Variants in ILRUN observed in about 807,000 individuals in gnomAD.
ILRUN encodes inflammation and lipid regulator with UBA-like and NBR1-like domains, also known as protein ILRUN.
In ILRUN, 3 loss-of-function variants were observed where a neutral mutation model predicts 33.8. That is an observed-to-expected ratio of 0.09 (90% CI 0.04 to 0.23). ILRUN has a LOEUF of 0.23. Ranked by LOEUF, ILRUN falls within the 10% of genes least tolerant of loss-of-function variation. The pLI is 1.00. For synonymous variants in ILRUN, 124 were observed against 138.9 expected (o/e 0.89, Z 0.75); for missense variants, 210 against 375.1 (o/e 0.56, Z 3.64).
In ILRUN at chr6:34,682,021, C is replaced by CTTTTTTTTTT. The variant is rs1377020252; in HGVS notation, c.158+14424_158+14425insAAAAAAAAAA. On this transcript the variant is annotated intron_variant, in intron 1 of 4. Coordinates refer to ENST00000374023, the MANE Select transcript of ILRUN (RefSeq NM_024294.4). ...TGCATGCCACCACACCCCACTAATT[C>CTTTTTTTTTT]TTATATTTTTATTTTTTTACTTTTT... Among the ~76,000 whole-genome samples the CTTTTTTTTTT allele has an allele frequency of 3.4e-3, 443 of 129,940 alleles. 17 individuals are homozygous for CTTTTTTTTTT. Among genetic ancestry groups the CTTTTTTTTTT allele is most frequent in the African/African-American group, 9.6e-3 (322 of 33,636 alleles). The allele number at this position is 129,940 out of a possible 152,430, so 85.2% of individuals were successfully genotyped here.
chr6:34,607,029 A>G, intron 3 of ILRUN, 125 bp from the exon 4 acceptor site: 1 of 735,750 alleles, frequency 1.4e-6, no homozygotes, highest in Non-Finnish European at 2.2e-6. Context: ...TGCTAGTTTT[A>G]AAAGCTTGCT....
chr6:34,646,656 T>C lies in ILRUN; in HGVS notation c.456A>G (p.Ala152=). The change falls in exon 3 of 5, where the codon GCA becomes GCG. Residue 152 remains alanine, a synonymous_variant. Coordinates refer to ENST00000374023, the MANE Select transcript of ILRUN (RefSeq NM_024294.4). The surrounding 1 kb of genome is among the most constrained non-coding windows in gnomAD (Gnocchi z 4.9). ...TCCGCCACTGTCCCTGATACATTCCTGCTCTGCTGGGGCTGCACATCTGGA... is the reference window on the plus strand; with the variant it reads ...TCCGCCACTGTCCCTGATACATTCCCGCTCTGCTGGGGCTGCACATCTGGA... ...VSVQMCSPSR[A]GMYQGQWRMC... The C allele has an allele frequency of 6.2e-7, 1 of 1,614,192 alleles. No homozygotes were observed. The highest frequency in any genetic ancestry group is 8.5e-7 in the Non-Finnish European group (1 of 1,180,028).
chr6:34,628,329 CT>C (rs1267121949), intron 3 of ILRUN, among the ~76,000 whole-genome samples: 137 of 145,428 alleles, frequency 9.4e-4, no homozygotes, highest in Middle Eastern at 3.5e-3. Flanking sequence ...CCTTTTTACA[CT>C]TTTTTTTTTT....
chr6:34,646,473 C>A lies in ILRUN; in HGVS notation c.511+128G>T. On this transcript the variant is annotated intron_variant, in intron 3 of 4. Transcript: ENST00000374023. The surrounding 1 kb of genome is among the most constrained non-coding windows in gnomAD (Gnocchi z 4.9). ...TCATAAAATGCAAATCATTTACCTGCATGAGGTGACTGTTAAAAAGAGGCC... is the reference window on the plus strand; with the variant it reads ...TCATAAAATGCAAATCATTTACCTGAATGAGGTGACTGTTAAAAAGAGGCC... 5 of 755,512 alleles carry A rather than the reference C, an allele frequency of 6.6e-6. No individual in the cohort carries two copies. Among genetic ancestry groups the A allele is most frequent in the Non-Finnish European group, 1.1e-5 (5 of 465,090 alleles). The allele number at this position is 755,512 out of a possible 1,614,324, so 46.8% of individuals were successfully genotyped here.
At chr6:34,626,878 A>G (rs1762145804) in intron 3 of ILRUN, among the ~76,000 whole-genome samples, 1 of 151,930 alleles carries the variant, frequency 6.6e-6, no homozygotes, top group Non-Finnish European at 1.5e-5. Context: ...GGTGGTGCGC[A>G]CTTGTAATCC....
intron 2 of ILRUN, among the ~76,000 whole-genome samples, chr6:34,651,116 G>A (rs2814993): frequency 0.17 from 25,143 of 152,000 alleles, 2,276 homozygotes; most frequent in African/African-American, 0.22. Flanking sequence ...ACTCAGTAAC[G>A]GGTGGCCAGA....
At chr6:34,591,271 A>G (rs575261658) in intron 4 of ILRUN, among the ~76,000 whole-genome samples, 1 of 152,312 alleles carries the variant, frequency 6.6e-6, no homozygotes, top group African/African-American at 2.4e-5. Context: ...AAGGAGGATC[A>G]CTTGACCCCA....
intron 4 of ILRUN, among the ~76,000 whole-genome samples, chr6:34,600,678 G>A (rs1761489820): frequency 6.6e-6 from 1 of 152,178 alleles, no homozygotes; most frequent in African/African-American, 2.4e-5. Context: ...AGGTTTCTAG[G>A]TAATCTTTTC....
intron 1 of ILRUN, among the ~76,000 whole-genome samples, chr6:34,680,161 AC>A (rs1354132221): frequency 6.6e-6 from 1 of 152,232 alleles, no homozygotes; most frequent in Non-Finnish European, 1.5e-5. Flanking sequence ...AGGTTATTTA[AC>A]CTCTCTAAGC....
chr6:34,674,768 C>A (rs1436645349), intron 1 of ILRUN, among the ~76,000 whole-genome samples: 2 of 152,054 alleles, frequency 1.3e-5, no homozygotes, highest in East Asian at 3.9e-4. Flanking sequence ...CACATTAAAA[C>A]TCTGAGTTTC....
At chr6:34,643,050 C>G (rs1299685001) in intron 3 of ILRUN, among the ~76,000 whole-genome samples, 2 of 151,662 alleles carry the variant, frequency 1.3e-5, no homozygotes, top group Non-Finnish European at 2.9e-5. Context: ...AATCCCAGCA[C>G]TTTGGGAGGC....
rs1212095041 is a variant in ILRUN at position 34,592,475 on chromosome 6, C to T, written c.862-1875G>A. On this transcript the variant is annotated intron_variant, in intron 4 of 4. Transcript: ENST00000374023. The surrounding 1 kb of genome is among the most constrained non-coding windows in gnomAD (Gnocchi z 4.0). ...CCACTCAAGCAAGTGTGCACTGGGGCAGCAAAGGGCTCTCAGATTCCATTT... is the reference window on the plus strand; with the variant it reads ...CCACTCAAGCAAGTGTGCACTGGGGTAGCAAAGGGCTCTCAGATTCCATTT... Among the ~76,000 whole-genome samples the T allele has an allele frequency of 6.6e-6, 1 of 152,258 alleles. No individual in the cohort carries two copies. The highest frequency in any genetic ancestry group is 2.4e-5 in the African/African-American group (1 of 41,472).
chr6:34,592,322 T>C lies in ILRUN; in HGVS notation c.862-1722A>G, dbSNP rs1256122925. On this transcript the variant is annotated intron_variant, in intron 4 of 4. Coordinates refer to ENST00000374023, the MANE Select transcript of ILRUN (RefSeq NM_024294.4). This position sits in a 1 kb window ranked among gnomAD's most constrained non-coding sequence, Gnocchi z 4.0. ...CCAAGCTCAGACAGGTGAGGCAACC[T>C]GATTAAGGGAGCAGCACTGGTGAGG... 6.6e-6 allele frequency among the ~76,000 whole-genome samples: 1 copy of C among 152,260 alleles called. No homozygotes were observed. The highest frequency in any genetic ancestry group is 1.5e-5 in the Non-Finnish European group (1 of 68,050).
intron 3 of ILRUN, among the ~76,000 whole-genome samples, chr6:34,645,014 T>A (rs757613797): frequency 4.6e-5 from 7 of 152,178 alleles, no homozygotes; most frequent in Non-Finnish European, 7.4e-5. Flanking sequence ...TTCATTACAG[T>A]AGGTACAAAG....
chr6:34,625,110 T>C (rs373749138), intron 3 of ILRUN, among the ~76,000 whole-genome samples: 20 of 152,232 alleles, frequency 1.3e-4, no homozygotes, highest in African/African-American at 2.2e-4. Context: ...TCAAATTCAC[T>C]GACAGAAGTC....
chr6:34,693,433 C>T (rs1176010055), intron 1 of ILRUN, among the ~76,000 whole-genome samples: 1 of 152,002 alleles, frequency 6.6e-6, no homozygotes, highest in Non-Finnish European at 1.5e-5. Flanking sequence ...CGGCTCACTG[C>T]AGCCTCGACC....
intron 3 of ILRUN, among the ~76,000 whole-genome samples, chr6:34,629,243 T>A (rs1762198865): frequency 6.6e-6 from 1 of 152,246 alleles, no homozygotes; most frequent in Non-Finnish European, 1.5e-5. Context: ...GACAAAAGCC[T>A]ATTCAAGTTG....
rs369750500 is a variant in ILRUN, at chr6:34,612,941, G to A, written c.512-6037C>T. On this transcript the variant is annotated intron_variant, in intron 3 of 4. Transcript: ENST00000374023. ...ACCTGTAGTCCCAGCTACTCAGGAG[G>A]CTGAGGCAGGAGAATGGCGTGAACC... Among the ~76,000 whole-genome samples the A allele has an allele frequency of 2.0e-3, 298 of 152,286 alleles. 2 individuals carry two copies. Among genetic ancestry groups the A allele is most frequent in the African/African-American group, 6.4e-3 (267 of 41,566 alleles).
rs377500642 is a variant in ILRUN at position 34,649,147 on chromosome 6, T to A, written c.314-2349A>T. Among the ~76,000 whole-genome samples, 3 of 152,330 alleles carry A rather than the reference T, an allele frequency of 2.0e-5. No individual in the cohort carries two copies. The South Asian group carries it at 6.2e-4, about 32-fold the overall frequency. ...GCTAGAAGAGTTATCCACCAACAAC[T>A]CTGAAGTGTTCATTGGCTATGAAGT... is the stretch of plus-strand genomic sequence containing the variant. On this transcript the variant is annotated intron_variant, in intron 2 of 4. Coordinates refer to ENST00000374023, the MANE Select transcript of ILRUN (RefSeq NM_024294.4).
Sources: gnomAD v4.1 joint callset for allele counts (sites outside exome capture counted in the v4.1 genomes callset) on GRCh38, gnomAD v4.1.1 for gene constraint, Gnocchi (gnomAD v3.1) non-coding constraint, MANE v1.5 for transcripts, NCBI Gene and HGNC (gene_info 2026-07-23, HGNC 2026-07-21) for gene names.